KCNIP4: variants seen among roughly 807,000 people sequenced by gnomAD.
The protein encoded by KCNIP4 is potassium voltage-gated channel interacting protein 4, also known as Kv channel-interacting protein 4.
KCNIP4 carries 12 observed loss-of-function variants against 34.0 expected under a neutral mutation model. The observed-to-expected ratio is 0.35, with a 90% CI of 0.23 to 0.57. The LOEUF is 0.57. Ranked by LOEUF, KCNIP4 falls within the 20% of genes least tolerant of loss-of-function variation. The pLI is 0.83. For synonymous variants in KCNIP4, 124 were observed against 102.2 expected, an observed-to-expected ratio of 1.21 and a Z score of -1.29; for missense variants, 238 against 311.7, an observed-to-expected ratio of 0.76 and a Z score of 1.78.
chr4:21,519,802 T>TGGGTGTATGTGTGTGTGTATACAC (rs1735355647), intron 1 of KCNIP4, among the ~76,000 whole-genome samples: 1 of 137,934 alleles, frequency 7.2e-6, no homozygotes, highest in South Asian at 2.4e-4. Context: ...TGTATACACG[T>TGGGTGTATGTGTGTGTGTATACAC]GTGTGTATGT....
intron 1 of KCNIP4, among the ~76,000 whole-genome samples, chr4:21,924,709 A>G (rs1383288261): frequency 6.6e-6 from 1 of 152,148 alleles, no homozygotes; most frequent in Non-Finnish European, 1.5e-5. Flanking sequence ...TTTGGAGTAG[A>G]TAAACTGTTA....
rs183187622 is a variant in KCNIP4, at chr4:21,491,316, A to G, written c.61+457255T>C. Among the ~76,000 whole-genome samples the G allele has an allele frequency of 5.3e-5, 8 of 152,256 alleles. No individual in the cohort carries two copies. The East Asian group carries it at 1.6e-3, about 30-fold the overall frequency. ...TTTTTGCCTTTGCCAACAACTTTGA[A>G]AGGCATGTGTGGAAGACTGCAGAGC... On this transcript the variant is annotated intron_variant, in intron 1 of 8. Transcript: ENST00000382152.
At chr4:21,597,309 G>A (rs1052670323) in intron 1 of KCNIP4, among the ~76,000 whole-genome samples, 3 of 152,002 alleles carry the variant, frequency 2.0e-5, no homozygotes, top group Non-Finnish European at 4.4e-5. Flanking sequence ...GATGTAAGAC[G>A]TGCTTTTCAC....
intron 1 of KCNIP4, among the ~76,000 whole-genome samples, chr4:21,842,775 T>C (rs1055775846): frequency 6.6e-6 from 1 of 152,094 alleles, no homozygotes; most frequent in Non-Finnish European, 1.5e-5. Context: ...GGTAACATTA[T>C]TACAACGATT....
intron 1 of KCNIP4, among the ~76,000 whole-genome samples, chr4:21,736,843 TATATGAGTGACTAATCTTTGATTTACTAA>T (rs1285376114): frequency 6.6e-6 from 1 of 152,204 alleles, no homozygotes; most frequent in South Asian, 2.1e-4. Flanking sequence ...GCGCTCAATG[TATATGAGTGACTAATCTTTGATTTACTAA>T]ATATGGTCAG....
chr4:20,820,761 T>C (rs1364561241), intron 3 of KCNIP4, among the ~76,000 whole-genome samples: 2 of 152,188 alleles, frequency 1.3e-5, no homozygotes, highest in Non-Finnish European at 2.9e-5. Context: ...AAGGTCCCTG[T>C]GGGACTTTGA....
intron 1 of KCNIP4, chr4:21,847,982 T>C (rs1263332683): frequency 6.6e-6 from 1 of 152,134 alleles, no homozygotes; most frequent in Admixed American, 6.6e-5. Context: ...GTTCAGATCT[T>C]GACTTCATCT....
intron 1 of KCNIP4, among the ~76,000 whole-genome samples, chr4:20,922,120 A>G (rs1421611382): frequency 6.6e-6 from 1 of 152,206 alleles, no homozygotes; most frequent in African/African-American, 2.4e-5. Context: ...TACCAGTTTT[A>G]GGACCTTGGT....
chr4:21,738,411 G>C (rs1716159711), intron 1 of KCNIP4, among the ~76,000 whole-genome samples: 1 of 152,056 alleles, frequency 6.6e-6, no homozygotes, highest in South Asian at 2.1e-4. Context: ...CGAAGTAAAT[G>C]GGAAATTGCT....
chr4:21,247,635 ATATC>A (rs1451849782), intron 1 of KCNIP4, among the ~76,000 whole-genome samples: 62 of 143,144 alleles, frequency 4.3e-4, no homozygotes, highest in Admixed American at 7.3e-4. Flanking sequence ...ATATTTAGAT[ATATC>A]TATATATTTA....
intron 1 of KCNIP4, among the ~76,000 whole-genome samples, chr4:20,990,091 G>A (rs1450465768): frequency 6.6e-6 from 1 of 152,170 alleles, no homozygotes; most frequent in Non-Finnish European, 1.5e-5. Flanking sequence ...GACTTGATGG[G>A]GCAAGTAACA....
intron 1 of KCNIP4, among the ~76,000 whole-genome samples, chr4:21,720,304 GA>G (rs200397593): frequency 3.4e-5 from 5 of 149,026 alleles, no homozygotes; most frequent in Admixed American, 6.7e-5. Context: ...AATATAAATT[GA>G]AAAAAAAATC....
Position 21,264,992 on chromosome 4 carries a change from G to A in KCNIP4, c.62-382283C>T, listed in dbSNP as rs575956290. Among the ~76,000 whole-genome samples, 6 of 152,122 alleles carry A rather than the reference G, an allele frequency of 3.9e-5. No individual in the cohort carries two copies. The South Asian group carries it at 6.2e-4, about 16-fold the overall frequency. ...CTTGCGCCTGTGATCCCGGCAACTC[G>A]GGAGGCTGAGGCACAAGAATTGCTT... On this transcript the variant is annotated intron_variant, in intron 1 of 8. Coordinates refer to ENST00000382152, the MANE Select transcript of KCNIP4 (RefSeq NM_025221.6).
chr4:21,510,078 CAAAAAAA>C (rs759477091), intron 1 of KCNIP4, among the ~76,000 whole-genome samples: 7 of 65,230 alleles, frequency 1.1e-4, no homozygotes, highest in Admixed American at 5.3e-4. Flanking sequence ...ACTCCATCTC[CAAAAAAA>C]AAAAAAAAAA....
At chr4:21,832,300 T>C (rs1723034309) in intron 1 of KCNIP4, among the ~76,000 whole-genome samples, 1 of 152,178 alleles carries the variant, frequency 6.6e-6, no homozygotes. Flanking sequence ...TGAGAGCTTA[T>C]CCTTTAGAAA....
intron 1 of KCNIP4, among the ~76,000 whole-genome samples, chr4:21,092,290 G>A (rs1255765236): frequency 2.0e-5 from 3 of 152,000 alleles, no homozygotes; most frequent in East Asian, 1.9e-4. Flanking sequence ...ATAGCACACC[G>A]AGAATGCTAT....
intron 1 of KCNIP4, among the ~76,000 whole-genome samples, chr4:21,023,196 T>C (rs1205338151): frequency 6.6e-6 from 1 of 152,176 alleles, no homozygotes; most frequent in African/African-American, 2.4e-5. Context: ...GTAGTCATTA[T>C]AAATATAGTT....
At chr4:21,844,609 C>T (rs1173895432) in intron 1 of KCNIP4, 1 of 152,002 alleles carries the variant, frequency 6.6e-6, no homozygotes, top group Non-Finnish European at 1.5e-5. Flanking sequence ...AATCCTGCTT[C>T]CTTTTCCAAG....
intron 1 of KCNIP4, among the ~76,000 whole-genome samples, chr4:20,934,722 A>C (rs1730867875): frequency 6.6e-6 from 1 of 152,226 alleles, no homozygotes; most frequent in Non-Finnish European, 1.5e-5. Flanking sequence ...AAATATAAAC[A>C]GTTTATCATA....
Sources: allele counts gnomAD v4.1 joint callset (sites outside exome capture counted in the v4.1 genomes callset), GRCh38; gene constraint gnomAD v4.1.1; transcripts MANE v1.5; gene names NCBI Gene and HGNC (gene_info 2026-07-23, HGNC 2026-07-21).